RET: variants seen among roughly 807,000 people sequenced by gnomAD.
RET encodes the protein ret proto-oncogene, also known as proto-oncogene tyrosine-protein kinase receptor Ret.
In RET, 19 loss-of-function variants were observed where a neutral mutation model predicts 118.3. The observed-to-expected ratio is 0.16, with a 90% CI of 0.11 to 0.24. The LOEUF is 0.24. RET is among the 10% of genes least tolerant of loss of function. The pLI is 1.00. For missense variants in RET, 1,219 were observed against 1,502.1 expected (o/e 0.81, Z 3.12); for synonymous variants, 597 against 644.1 (o/e 0.93, Z 1.11).
chr10:43,119,672 C>T lies in RET; in HGVS notation c.2534C>T (p.Ala845Val), dbSNP rs1588877322. 6.2e-7 allele frequency: 1 copy of T among 1,613,430 alleles called. No homozygotes were observed. The highest frequency in any genetic ancestry group is 1.3e-5 in the African/African-American group (1 of 75,050). The stretch of plus-strand genomic sequence containing the variant: ...TCCCTGGACCACCCGGATGAGCGGG[C>T]CCTCACCATGGGCGACCTCATCTCA... ...SSSLDHPDERALTMGDLISFA... is the reference protein window; with the variant it reads ...SSSLDHPDERVLTMGDLISFA... Residue 845 changes from alanine (A) to valine (V), a missense_variant, in exon 14 of 20, where the codon GCC becomes GTC. Ala to Val is a moderately conservative substitution (Grantham distance 64, BLOSUM62 0). This residue lies in a region of RET where 850 missense variants were observed against 969.6 expected (regional missense o/e 0.88). Coordinates refer to ENST00000355710, the MANE Select transcript of RET (RefSeq NM_020975.6).
At chr10:43,097,830 G>T (rs541906389) in intron 1 of RET, among the ~76,000 whole-genome samples, 1 of 152,096 alleles carries the variant, frequency 6.6e-6, no homozygotes, top group Admixed American at 6.5e-5. Context: ...GGCCCTGGGG[G>T]CGTTCTCAAC....
chr10:43,110,970 C>T (rs1039245641), intron 6 of RET, among the ~76,000 whole-genome samples: 32 of 152,062 alleles, frequency 2.1e-4, no homozygotes, highest in African/African-American at 7.5e-4. Flanking sequence ...CTCCAGCTCC[C>T]AGGAACAGGG....
At chr10:43,126,290 A>T (rs1048507753) in intron 18 of RET, among the ~76,000 whole-genome samples, 1 of 152,224 alleles carries the variant, frequency 6.6e-6, no homozygotes, top group Non-Finnish European at 1.5e-5. Flanking sequence ...CCTGGAGATA[A>T]GACGCTGAGG....
At chr10:43,123,901 A>C in intron 17 of RET, 93 bp downstream of exon 17, 1 of 1,585,640 alleles carries the variant, frequency 6.3e-7, no homozygotes, top group Non-Finnish European at 8.6e-7. Context: ...CCCAGGAGAA[A>C]CCAGGAGAAG....
intron 3 of RET, among the ~76,000 whole-genome samples, chr10:43,104,553 C>G (rs1409500200): frequency 6.6e-6 from 1 of 152,174 alleles, no homozygotes; most frequent in East Asian, 1.9e-4. Flanking sequence ...GTAGCTGGCT[C>G]TCTAGGGCTG....
At chr10:43,108,216 G>A (rs188647436) in intron 5 of RET, among the ~76,000 whole-genome samples, 60 of 152,086 alleles carry the variant, frequency 3.9e-4, no homozygotes, top group African/African-American at 1.2e-3. Context: ...TTAGCCAGGC[G>A]TGGTGGCACA....
intron 19 of RET, chr10:43,126,945 T>A (rs977683788): frequency 1.1e-5 from 15 of 1,424,658 alleles, no homozygotes; most frequent in Non-Finnish European, 1.3e-5. Flanking sequence ...AATTACCACA[T>A]TGCCCAGCAA....
intron 1 of RET, among the ~76,000 whole-genome samples, chr10:43,089,740 C>T (rs528091835): frequency 2.0e-5 from 3 of 152,316 alleles, no homozygotes; most frequent in East Asian, 3.9e-4. Context: ...GCTAACAGGC[C>T]GGCCATCGGG....
rs763295929 is a variant in RET, at chr10:43,102,354, C to A, written c.350C>A (p.Pro117His). 35 of 1,614,022 alleles carry A rather than the reference C, an allele frequency of 2.2e-5. No individual in the cohort carries two copies. Among genetic ancestry groups the A allele is most frequent in the Non-Finnish European group, 3.0e-5 (35 of 1,180,046 alleles). ...CTTCTCTCTGCAGACCGCGGCTTTC[C>A]CCTGCTCACCGTCTACCTCAAGGTC... ...EKLSVRNRGF[P>H]LLTVYLKVFL... is the part of the protein sequence containing the mutation. The change falls in exon 3 of 20, where the codon CCC (proline) becomes CAC (histidine). Residue 117 changes from proline (P) to histidine (H), a missense_variant. Transcript: ENST00000355710.
At chr10:43,115,860 G>A (rs946025114) in intron 11 of RET, among the ~76,000 whole-genome samples, 6 of 152,214 alleles carry the variant, frequency 3.9e-5, no homozygotes, top group Non-Finnish European at 5.9e-5. Context: ...TGGCAGTGTC[G>A]ACACTGACCT....
At chr10:43,103,461 T>G (rs1473061448) in intron 3 of RET, among the ~76,000 whole-genome samples, 1 of 152,012 alleles carries the variant, frequency 6.6e-6, no homozygotes, top group Non-Finnish European at 1.5e-5. Flanking sequence ...TGGGATGAGC[T>G]GGATCCCAGT....
chr10:43,124,860 G>C, intron 17 of RET, 23 bp from the exon 18 acceptor site: 1 of 1,611,496 alleles, frequency 6.2e-7, no homozygotes, highest in South Asian at 1.1e-5. Context: ...GGATCATATT[G>C]GCCTGTCTGC....
chr10:43,116,540 C>T (rs1564497270), intron 11 of RET, 44 bp from the exon 12 acceptor site: 2 of 1,612,372 alleles, frequency 1.2e-6, no homozygotes, highest in Non-Finnish European at 8.5e-7. Flanking sequence ...GTCATCCTCA[C>T]ACTTTTCCCC....
chr10:43,128,124 C>T lies in RET; in HGVS notation c.3200C>T (p.Pro1067Leu), dbSNP rs760625882. 1.9e-5 allele frequency: 30 copies of T among 1,613,982 alleles called. No individual in the cohort carries two copies. In the Admixed American group the frequency reaches 3.3e-4, roughly 18 times the overall value. ...TTTTCATTTTTAGGCATGTCAGACC[C>T]GAACTGGCCTGGAGAGAGTCCTGTA... is the stretch of plus-strand genomic sequence containing the variant. The part of the protein sequence containing the change: ...IENKLYGMSD[P>L]NWPGESPVPL... Residue 1067 changes from proline (P) to leucine (L), a missense_variant, in exon 20 of 20, where the codon CCG becomes CTG. This residue lies in a region of RET where 174 missense variants were observed against 179.3 expected (regional missense o/e 0.97). Transcript: ENST00000355710.
At chr10:43,127,468 ACTC>A in intron 19 of RET, 1 of 1,044,196 alleles carries the variant, frequency 9.6e-7, no homozygotes, top group South Asian at 4.5e-5. Context: ...TCTTGCCAAA[ACTC>A]CTTCTTTTGT....
intron 16 of RET, among the ~76,000 whole-genome samples, chr10:43,122,465 T>C (rs1380049633): frequency 6.6e-6 from 1 of 152,196 alleles, no homozygotes; most frequent in East Asian, 1.9e-4. Context: ...TGTGAGTTTA[T>C]AGATTGGTGT....
rs202029768 is a variant in RET at position 43,119,736 on chromosome 10, C to T, written c.2598C>T (p.Ala866=). 6.8e-6 allele frequency: 11 copies of T among 1,613,092 alleles called. No homozygotes were observed. The highest frequency in any genetic ancestry group is 1.7e-4 in the Middle Eastern group (1 of 6,058). The change falls in exon 14 of 20, where the codon GCC becomes GCT. Residue 866 remains alanine, a synonymous_variant. Transcript: ENST00000355710. Reference sequence around the variant, plus strand: ...TCTCACAGGGGATGCAGTATCTGGCCGAGATGAAGGTGCGTGCATATGGCT... The same window carrying T: ...TCTCACAGGGGATGCAGTATCTGGCTGAGATGAAGGTGCGTGCATATGGCT... ...WQISQGMQYL[A]EMKLVHRDLA...
At position 43,112,121 on chromosome 10, in the gene RET, C is replaced by A. The variant is rs1554818626; in HGVS notation, c.1545C>A (p.Cys515Ter). The A allele has an allele frequency of 6.2e-7, 1 of 1,601,428 alleles. No individual in the cohort carries two copies. The highest frequency in any genetic ancestry group is 8.5e-7 in the Non-Finnish European group (1 of 1,174,106). Residue 515 changes from cysteine (C) to a stop codon, truncating the protein, a stop_gained, in exon 8 of 20, where the codon TGC becomes TGA. Coordinates refer to ENST00000355710, the MANE Select transcript of RET (RefSeq NM_020975.6). LOFTEE classifies it high-confidence loss of function. ...EGSYVAEEAG[C>*]PLSCAVSKRR... Reference sequence around the variant, plus strand: ...CAGATGTGGCCGAGGAGGCGGGCTGCCCCCTGTCCTGTGCAGTCAGCAAGA... The same window carrying A: ...CAGATGTGGCCGAGGAGGCGGGCTGACCCCTGTCCTGTGCAGTCAGCAAGA...
chr10:43,107,902 G>A (rs1837821207), intron 5 of RET, among the ~76,000 whole-genome samples: 2 of 152,280 alleles, frequency 1.3e-5, no homozygotes, highest in Admixed American at 6.5e-5. Flanking sequence ...TTTACAGTTG[G>A]TTGAAAGAGT....
Sources: gnomAD v4.1 joint callset for allele counts (sites outside exome capture counted in the v4.1 genomes callset) on GRCh38, gnomAD v4.1.1 for gene constraint, gnomAD v4.1.1 regional missense constraint, MANE v1.5 for transcripts, NCBI Gene and HGNC (gene_info 2026-07-23, HGNC 2026-07-21) for gene names.